The following SYNE1 variants were observed in gnomAD, a reference collection of about 807,000 sequenced individuals.
SYNE1 encodes nesprin-1.
In SYNE1, 616 loss-of-function variants were observed where a neutral mutation model predicts 1,111.0. The ratio of observed to expected loss-of-function variants is 0.55; its 90% CI spans 0.52 to 0.59. The LOEUF (loss-of-function observed/expected upper bound fraction) is 0.59. SYNE1 is among the 20% of genes least tolerant of loss of function. The probability of loss-of-function intolerance (pLI) is 0.00; values close to 1 mark genes in which losing one functional copy is unlikely to be tolerated. For synonymous variants in SYNE1, 3,855 were observed against 3,825.8 expected, an observed-to-expected ratio of 1.01 and a Z score of -0.28; for missense variants, 10,006 against 10,417.0, an observed-to-expected ratio of 0.96 and a Z score of 1.72.
intron 14 of SYNE1, chr6:152,472,683 T>C (rs1428290726): frequency 2.9e-6 from 2 of 698,232 alleles, no homozygotes; most frequent in Non-Finnish European, 5.2e-6. Flanking sequence ...TCAGACGTTT[T>C]AAAGGCACAT....
intron 125 of SYNE1, among the ~76,000 whole-genome samples, chr6:152,207,554 G>A (rs2153406250): frequency 6.6e-6 from 1 of 152,338 alleles, no homozygotes; most frequent in South Asian, 2.1e-4. Flanking sequence ...CTAGAAGCCT[G>A]AAGGTAAGGG....
At chr6:152,433,978 A>G (rs1470461746) in intron 33 of SYNE1, 33 bp from the exon 34 acceptor site, 2 of 1,559,928 alleles carry the variant, frequency 1.3e-6, no homozygotes, top group Non-Finnish European at 1.8e-6. Flanking sequence ...AATAAAACTC[A>G]GTATTTTAAT....
intron 42 of SYNE1, among the ~76,000 whole-genome samples, 157 bp from the exon 43 acceptor site, chr6:152,409,866 A>G (rs1011149248): frequency 1.3e-5 from 2 of 152,212 alleles, no homozygotes; most frequent in Non-Finnish European, 2.9e-5. Flanking sequence ...GGTTAATCCT[A>G]CTTACTCCAA....
rs776601282 is a variant in SYNE1 at position 152,352,047 on chromosome 6, C to G, written c.11560G>C (p.Ala3854Pro). ...EPKMELYEKK[A>P]QLSKYKSLQQ... ...ACTACCTTGTATTTAGATAACTGAG[C>G]TTTTTTCTCATATAATTCCATTTTG... The change falls in exon 70 of 146, where the codon GCT (alanine) becomes CCT (proline). Residue 3854 changes from alanine to proline, a missense_variant. Coordinates refer to ENST00000367255, the MANE Select transcript of SYNE1 (RefSeq NM_182961.4). 1 of 1,614,140 alleles carries G rather than the reference C, an allele frequency of 6.2e-7. No homozygotes were observed. The highest frequency in any genetic ancestry group is 1.7e-5 in the Admixed American group (1 of 60,020).
At position 152,152,014 on chromosome 6, in the gene SYNE1, T is replaced by C. The variant is rs1483288761; in HGVS notation, c.24257A>G (p.Asn8086Ser). ...CSLKQMVHEG[N>S]QRWDNLQKRV... Reference sequence around the variant, plus strand: ...CTTTTGCAGGTTGTCCCATCTCTGGTTGCCTTCGTGAACCATCTGTTTGAG... The same window carrying C: ...CTTTTGCAGGTTGTCCCATCTCTGGCTGCCTTCGTGAACCATCTGTTTGAG... The change falls in exon 134 of 146, where the codon AAC becomes AGC. Residue 8086 changes from asparagine (N) to serine (S), a missense_variant. Transcript: ENST00000367255. 1 of 1,614,214 alleles carries C rather than the reference T, an allele frequency of 6.2e-7. No individual in the cohort carries two copies.
At chr6:152,438,350 AT>A (rs1272670765) in intron 32 of SYNE1, among the ~76,000 whole-genome samples, 2 of 152,218 alleles carry the variant, frequency 1.3e-5, no homozygotes, top group Non-Finnish European at 2.9e-5. Flanking sequence ...ATGTTTGAAA[AT>A]GCTTATATAC....
At chr6:152,557,365 A>C (rs1461023244) in intron 3 of SYNE1, among the ~76,000 whole-genome samples, 3 of 152,062 alleles carry the variant, frequency 2.0e-5, no homozygotes, top group Admixed American at 1.3e-4. Context: ...GTTTCAGAGG[A>C]AGCAGAGATG....
At chr6:152,388,242 G>A (rs1166220684) in intron 53 of SYNE1, among the ~76,000 whole-genome samples, 1 of 150,736 alleles carries the variant, frequency 6.6e-6, no homozygotes, top group East Asian at 1.9e-4. Context: ...TTTCTAAAAA[G>A]CACCCCCCGC....
intron 44 of SYNE1, 136 bp from the exon 45 acceptor site, chr6:152,407,332 C>A: frequency 1.2e-6 from 1 of 833,748 alleles, no homozygotes; most frequent in Non-Finnish European, 1.9e-6. Flanking sequence ...TTATTGTAAT[C>A]TAATAAGTGC....
intron 129 of SYNE1, among the ~76,000 whole-genome samples, chr6:152,179,841 C>G (rs533625890): frequency 6.6e-6 from 1 of 151,800 alleles, no homozygotes; most frequent in Non-Finnish European, 1.5e-5. Context: ...CGCACCACCA[C>G]GCCAGGCTAA....
chr6:152,345,267 T>C (rs959579061), intron 73 of SYNE1, among the ~76,000 whole-genome samples: 15 of 152,172 alleles, frequency 9.9e-5, no homozygotes, highest in African/African-American at 3.1e-4. Context: ...ACAAAGAAAA[T>C]GTCCACTGTG....
intron 130 of SYNE1, chr6:152,168,239 G>T: frequency 1.4e-6 from 1 of 726,988 alleles, no homozygotes. Context: ...ACTCTGCAGA[G>T]CAAAAAGCTA....
intron 111 of SYNE1, among the ~76,000 whole-genome samples, chr6:152,234,454 C>T (rs1364643060): frequency 1.3e-5 from 2 of 152,100 alleles, no homozygotes; most frequent in Non-Finnish European, 2.9e-5. Context: ...ACTACCACGC[C>T]CGGCTAATAT....
chr6:152,376,882 G>A lies in SYNE1; in HGVS notation c.9040C>T (p.Pro3014Ser), dbSNP rs200939886. 6.2e-6 allele frequency: 10 copies of A among 1,613,846 alleles called. No individual in the cohort carries two copies. The Admixed American group carries it at 1.7e-4, about 27-fold the overall frequency. Reference sequence around the variant, plus strand: ...TGAGACTTGAGATCCTCTGTTCTAGGCTCTGCTTTTTGCAAAGCATCCAGT... The same window carrying A: ...TGAGACTTGAGATCCTCTGTTCTAGACTCTGCTTTTTGCAAAGCATCCAGT... ...EILDALQKAE[P>S]RTEDLKSQLN... Residue 3014 changes from proline (P) to serine (S), a missense_variant, in exon 57 of 146, where the codon CCT (proline) becomes TCT (serine). Pro to Ser is a moderately conservative substitution (Grantham distance 74). Coordinates refer to ENST00000367255, the MANE Select transcript of SYNE1 (RefSeq NM_182961.4).
At chr6:152,170,111 T>C (rs1261087412) in intron 130 of SYNE1, among the ~76,000 whole-genome samples, 1 of 152,176 alleles carries the variant, frequency 6.6e-6, no homozygotes, top group Admixed American at 6.5e-5. Flanking sequence ...CTTATTTAGT[T>C]TACCTCATGG....
intron 24 of SYNE1, 22 bp downstream of exon 24, chr6:152,455,404 G>A (rs2098689077): frequency 6.2e-7 from 1 of 1,607,860 alleles, no homozygotes; most frequent in African/African-American, 1.3e-5. Context: ...CAGGTCAAGT[G>A]TCCCCTAAAG....
chr6:152,203,935 G>T (rs1293453945), intron 126 of SYNE1, among the ~76,000 whole-genome samples: 1 of 152,092 alleles, frequency 6.6e-6, no homozygotes, highest in East Asian at 1.9e-4. Context: ...GCTACAATTA[G>T]CTTATCAATG....
At chr6:152,344,414 AGTT>A (rs1257273549) in intron 73 of SYNE1, among the ~76,000 whole-genome samples, 187 bp from the exon 74 acceptor site, 1 of 152,236 alleles carries the variant, frequency 6.6e-6, no homozygotes, top group Admixed American at 6.5e-5. Flanking sequence ...CCTATACCCC[AGTT>A]GATAACTTCT....
At position 152,316,881 on chromosome 6, in the gene SYNE1, T is replaced by A. The variant is rs2095739051; in HGVS notation, c.16678A>T (p.Ser5560Cys). The A allele has an allele frequency of 6.2e-7, 1 of 1,614,188 alleles. No homozygotes were observed. Among genetic ancestry groups the A allele is most frequent in the Non-Finnish European group, 8.5e-7 (1 of 1,180,030 alleles). ...AAAATATATTGTTCCCGAAGCTGGCTTGCAGAATTCCATGCAATAGTTCCA... is the reference window on the plus strand; with the variant it reads ...AAAATATATTGTTCCCGAAGCTGGCATGCAGAATTCCATGCAATAGTTCCA... ...AHGTIAWNSASQLREQYILHQ... is the reference protein window; with the variant it reads ...AHGTIAWNSACQLREQYILHQ... The change falls in exon 87 of 146, where the codon AGC becomes TGC. Residue 5560 changes from serine (S) to cysteine (C), a missense_variant. Coordinates refer to ENST00000367255, the MANE Select transcript of SYNE1 (RefSeq NM_182961.4).
Sources: gnomAD v4.1 joint callset for allele counts (sites outside exome capture counted in the v4.1 genomes callset) on GRCh38, gnomAD v4.1.1 for gene constraint, MANE v1.5 for transcripts, NCBI Gene and HGNC (gene_info 2026-07-23, HGNC 2026-07-21) for gene names.